Variants in DENND2C observed in about 807,000 individuals in gnomAD.
The protein encoded by DENND2C is DENN domain containing 2C, also known as DENN domain-containing protein 2C.
A neutral mutation model predicts 112.4 loss-of-function variants in DENND2C; 72 were observed. The ratio of observed to expected loss-of-function variants is 0.64; its 90% CI spans 0.53 to 0.78. DENND2C has a LOEUF of 0.78. Ranked by LOEUF, DENND2C falls within the 30% of genes least tolerant of loss-of-function variation. DENND2C has a pLI of 0.00. For synonymous variants in DENND2C, 329 were observed against 381.6 expected (o/e 0.86, Z 1.61); for missense variants, 992 against 1,113.8 (o/e 0.89, Z 1.56).
chr1:114,588,068 A>T, intron 18 of DENND2C, 116 bp from the exon 19 acceptor site: 1 of 861,244 alleles, frequency 1.2e-6, no homozygotes, highest in Non-Finnish European at 1.8e-6. Flanking sequence ...AAGGACTGAG[A>T]ATAAATCTAG....
intron 8 of DENND2C, 74 bp downstream of exon 8, chr1:114,618,312 C>T: frequency 8.8e-7 from 1 of 1,139,152 alleles, no homozygotes; most frequent in Non-Finnish European, 1.2e-6. Context: ...ACACATCAAA[C>T]ATTAAGTTAT....
In DENND2C at chr1:114,625,696, T is replaced by C. The variant is rs751804011; in HGVS notation, c.289A>G (p.Asn97Asp). 1.9e-6 allele frequency: 3 copies of C among 1,614,066 alleles called. No homozygotes were observed. Among genetic ancestry groups the C allele is most frequent in the Non-Finnish European group, 1.7e-6 (2 of 1,179,996 alleles). Residue 97 changes from asparagine to aspartate, a missense_variant, in exon 4 of 21, where the codon AAT becomes GAT. Asn to Asp is a conservative substitution (Grantham distance 23). Transcript: ENST00000393274. ...TKSHDQSENE[N>D]KKHEYDDTHF... ...GTATCGTCATATTCATGTTTCTTAT[T>C]TTCATTCTCACTTTGATCATGGCTT...
rs574820658 is a variant in DENND2C, at chr1:114,602,254, G to C, written c.1668-60C>G. Reference sequence around the variant, plus strand: ...AACAATTACTTATGGCATTCTCCATGGAACAAACAATTGAAAACTAGAGTC... The same window carrying C: ...AACAATTACTTATGGCATTCTCCATCGAACAAACAATTGAAAACTAGAGTC... On this transcript the variant is annotated intron_variant, in intron 11 of 20. Transcript: ENST00000393274. 85 of 1,560,264 alleles carry C rather than the reference G, an allele frequency of 5.4e-5. No homozygotes were observed. In the East Asian group the frequency reaches 1.9e-3, roughly 35 times the overall value.
rs1250644616 is a variant in DENND2C, at chr1:114,611,066, C to G, written c.1369+7G>C. On this transcript the variant is annotated splice_region_variant and intron_variant, in intron 9 of 20. Coordinates refer to ENST00000393274, the MANE Select transcript of DENND2C (RefSeq NM_001256404.2). ...AACAACGGGAGCAGCCCCATTGACT[C>G]ACTCACTCTTTGGCAGATACTCGGC... The G allele has an allele frequency of 6.2e-7, 1 of 1,614,048 alleles. No individual in the cohort carries two copies. Among genetic ancestry groups the G allele is most frequent in the Non-Finnish European group, 8.5e-7 (1 of 1,180,012 alleles).
intron 11 of DENND2C, among the ~76,000 whole-genome samples, chr1:114,603,749 C>T (rs1655584997): frequency 6.6e-6 from 1 of 151,780 alleles, no homozygotes; most frequent in African/African-American, 2.4e-5. Flanking sequence ...CTATGTTGCC[C>T]AGGATGGTCT....
intron 3 of DENND2C, among the ~76,000 whole-genome samples, chr1:114,637,733 T>C (rs545947312): frequency 6.6e-6 from 1 of 152,272 alleles, no homozygotes; most frequent in East Asian, 1.9e-4. Flanking sequence ...CAGGCTGGTC[T>C]TGAACTCCTG....
rs752083774 is a variant in DENND2C at position 114,587,424 on chromosome 1, C to T, written c.2718G>A (p.Ser906=). ...AAATTCTATTCATCCCACTGGGCTCCGACTCAGGAATTGTTTCCAAATACT... is the reference window on the plus strand; with the variant it reads ...AAATTCTATTCATCCCACTGGGCTCTGACTCAGGAATTGTTTCCAAATACT... The part of the protein sequence containing the change: ...AIQYLETIPE[S]EPSGMNRILR... The change falls in exon 20 of 21, where the codon TCG becomes TCA. Residue 906 remains serine, a synonymous_variant. Transcript: ENST00000393274. The T allele has an allele frequency of 1.5e-5, 24 of 1,614,038 alleles. No homozygotes were observed. The highest frequency in any genetic ancestry group is 6.7e-5 in the Admixed American group (4 of 60,004).
intron 3 of DENND2C, among the ~76,000 whole-genome samples, chr1:114,644,374 C>T (rs1451773974): frequency 6.6e-6 from 1 of 152,124 alleles, no homozygotes; most frequent in East Asian, 1.9e-4. Flanking sequence ...ATCCCCAGCA[C>T]CCAGAAGAGT....
At chr1:114,645,229 C>T (rs1656947311) in intron 3 of DENND2C, among the ~76,000 whole-genome samples, 1 of 151,992 alleles carries the variant, frequency 6.6e-6, no homozygotes, top group South Asian at 2.1e-4. Context: ...AAGTCCTAAC[C>T]CCCAGCACCT....
chr1:114,605,605 A>C (rs1240718904), intron 10 of DENND2C, among the ~76,000 whole-genome samples: 1 of 152,206 alleles, frequency 6.6e-6, no homozygotes, highest in Non-Finnish European at 1.5e-5. Flanking sequence ...CAGCCTGGGC[A>C]ACATGGTGAA....
chr1:114,601,518 A>T lies in DENND2C; in HGVS notation c.1805T>A (p.Leu602His). The change falls in exon 13 of 21, where the codon CTT becomes CAT. Residue 602 changes from leucine to histidine, a missense_variant. Physicochemically the swap from Leu to His is moderately conservative, Grantham distance 99. Coordinates refer to ENST00000393274, the MANE Select transcript of DENND2C (RefSeq NM_001256404.2). ...TCATTCTCCACTCACCTTTGAAAAA[A>T]GATTGAAGCAGCCTAGGCGACTAAC... The part of the protein sequence containing the change: ...CMVSRLGCFN[L>H]FSKILDEVEK... 1 of 1,611,748 alleles carries T rather than the reference A, an allele frequency of 6.2e-7. No individual in the cohort carries two copies.
In DENND2C at chr1:114,587,899, A is replaced by C; in HGVS notation, c.2485T>G (p.Leu829Val). The change falls in exon 19 of 21, where the codon TTG (leucine) becomes GTG (valine). Residue 829 changes from leucine (L) to valine (V), a missense_variant. Physicochemically the swap from Leu to Val is conservative, Grantham distance 32. Around this residue, in one of 3 missense-constraint regions of DENND2C, gnomAD observed 516 missense variants for 623.6 expected, o/e 0.83. Coordinates refer to ENST00000393274, the MANE Select transcript of DENND2C (RefSeq NM_001256404.2). ...SEAFVRFFVE[L>V]VGHYSLNMTV... is the part of the protein sequence containing the mutation. ...ATGTTCAAAGAATAATGTCCTACCA[A>C]CTCCACAAAAAACCTGACAAATGCT... is the stretch of plus-strand genomic sequence containing the variant. 1 of 1,614,098 alleles carries C rather than the reference A, an allele frequency of 6.2e-7. No individual in the cohort carries two copies. The highest frequency in any genetic ancestry group is 1.1e-5 in the South Asian group (1 of 91,074).
intron 9 of DENND2C, among the ~76,000 whole-genome samples, chr1:114,609,435 T>C (rs566166982): frequency 6.6e-6 from 1 of 152,334 alleles, no homozygotes; most frequent in African/African-American, 2.4e-5. Context: ...TATATACTTG[T>C]ATCAGTAAAT....
chr1:114,610,699 C>CAA (rs528172027), intron 9 of DENND2C, among the ~76,000 whole-genome samples: 167 of 83,382 alleles, frequency 2.0e-3, no homozygotes, highest in African/African-American at 6.0e-3. Context: ...GACTCCGTCT[C>CAA]AAAAAAAAAA....
intron 3 of DENND2C, among the ~76,000 whole-genome samples, chr1:114,634,910 C>T (rs1570793471): frequency 6.6e-6 from 1 of 151,700 alleles, no homozygotes; most frequent in African/African-American, 2.4e-5. Flanking sequence ...CACCTGTAAT[C>T]CCAGCTACTG....
At chr1:114,623,365 T>C in intron 5 of DENND2C, 142 bp downstream of exon 5, 8 of 791,378 alleles carry the variant, frequency 1.0e-5, no homozygotes, top group Non-Finnish European at 1.5e-5. Context: ...AATAAAATAA[T>C]TTATACACCA....
chr1:114,646,362 T>C (rs1557957314), intron 2 of DENND2C, among the ~76,000 whole-genome samples: 1 of 152,146 alleles, frequency 6.6e-6, no homozygotes, highest in Non-Finnish European at 1.5e-5. Flanking sequence ...AAAAGGAAAA[T>C]GGTGTGACAT....
intron 1 of DENND2C, among the ~76,000 whole-genome samples, chr1:114,664,842 C>T (rs1301899400): frequency 6.6e-6 from 1 of 150,864 alleles, no homozygotes; most frequent in Non-Finnish European, 1.5e-5. Context: ...CCTGTAATCC[C>T]AGCACTTTGG....
At chr1:114,654,056 C>T (rs936058669) in intron 2 of DENND2C, among the ~76,000 whole-genome samples, 12 of 152,134 alleles carry the variant, frequency 7.9e-5, no homozygotes, top group African/African-American at 2.7e-4. Context: ...TATGGATACG[C>T]ACCAAAAAGC....
Sources: allele counts gnomAD v4.1 joint callset (sites outside exome capture counted in the v4.1 genomes callset), GRCh38; gene constraint gnomAD v4.1.1; regional missense constraint gnomAD v4.1.1; transcripts MANE v1.5; gene names NCBI Gene and HGNC (gene_info 2026-07-23, HGNC 2026-07-21).